Variants in CHRM3 observed in about 807,000 individuals in gnomAD.
CHRM3 encodes the protein cholinergic receptor muscarinic 3, also known as muscarinic acetylcholine receptor M3.
Under a neutral mutation model 41.8 loss-of-function variants are expected in CHRM3, and 11 were observed. The ratio of observed to expected loss-of-function variants is 0.26; its 90% CI spans 0.17 to 0.44. The LOEUF (loss-of-function observed/expected upper bound fraction) is 0.44. CHRM3 is among the 20% of genes least tolerant of loss of function. The pLI is 1.00. For missense variants in CHRM3, 571 were observed against 745.4 expected (o/e 0.77, Z 2.72); for synonymous variants, 297 against 301.4 (o/e 0.99, Z 0.15).
At position 239,554,033 on chromosome 1, in the gene CHRM3, G is replaced by A. The variant is rs1285611284; in HGVS notation, c.-313+8284G>A. Among the ~76,000 whole-genome samples the A allele has an allele frequency of 3.3e-5, 5 of 152,162 alleles. 1 individual carries two copies. Among genetic ancestry groups the A allele is most frequent in the Middle Eastern group, 6.8e-3 (2 of 294 alleles). On this transcript the variant is annotated intron_variant, in intron 3 of 6. Coordinates refer to ENST00000676153, the MANE Select transcript of CHRM3 (RefSeq NM_001375978.1). Reference sequence around the variant, plus strand: ...GCCCCTTAAAGAGCTGGGATTACAGGCATGTGCCACTACACCTGGCTAATT... The same window carrying A: ...GCCCCTTAAAGAGCTGGGATTACAGACATGTGCCACTACACCTGGCTAATT...
chr1:239,451,679 T>C (rs1240375578), intron 1 of CHRM3, among the ~76,000 whole-genome samples: 2 of 152,172 alleles, frequency 1.3e-5, no homozygotes, highest in Non-Finnish European at 1.5e-5. Context: ...TTTAAATATA[T>C]TTAACTTAAT....
intron 3 of CHRM3, among the ~76,000 whole-genome samples, chr1:239,549,759 A>G (rs892277049): frequency 3.9e-5 from 6 of 151,960 alleles, no homozygotes; most frequent in Non-Finnish European, 5.9e-5. Flanking sequence ...AAACTAAAGC[A>G]GAATGACGCA....
intron 4 of CHRM3, among the ~76,000 whole-genome samples, chr1:239,677,290 T>C (rs958263039): frequency 6.6e-6 from 1 of 152,236 alleles, no homozygotes; most frequent in African/African-American, 2.4e-5. Flanking sequence ...TCATATTATT[T>C]GCTTAGTAAA....
intron 1 of CHRM3, among the ~76,000 whole-genome samples, chr1:239,492,040 T>A (rs1236755702): frequency 6.6e-6 from 1 of 152,166 alleles, no homozygotes; most frequent in Non-Finnish European, 1.5e-5. Context: ...TGTGTAATGA[T>A]CCATTTTGGC....
intron 5 of CHRM3, among the ~76,000 whole-genome samples, chr1:239,736,094 G>A (rs550852300): frequency 2.0e-5 from 3 of 152,062 alleles, no homozygotes; most frequent in African/African-American, 4.8e-5. Context: ...AGCTAGTATC[G>A]ACTACTCCAC....
At chr1:239,811,425 G>T (rs1183325416) in intron 5 of CHRM3, among the ~76,000 whole-genome samples, 1 of 152,130 alleles carries the variant, frequency 6.6e-6, no homozygotes, top group Non-Finnish European at 1.5e-5. Context: ...GTGCCCTAAA[G>T]CCCTTCACAT....
intron 1 of CHRM3, among the ~76,000 whole-genome samples, chr1:239,489,412 C>CA (rs150811450): frequency 1.3e-3 from 178 of 142,224 alleles, no homozygotes; most frequent in Middle Eastern, 3.7e-3. Context: ...GACTCTGTCT[C>CA]AAAAAAAAAA....
intron 4 of CHRM3, among the ~76,000 whole-genome samples, chr1:239,650,073 A>G (rs1329095380): frequency 6.6e-6 from 1 of 151,970 alleles, no homozygotes; most frequent in African/African-American, 2.4e-5. Flanking sequence ...CAGCTGTGGG[A>G]CTCTCATCAG....
At chr1:239,612,829 G>A (rs1355559892) in intron 3 of CHRM3, among the ~76,000 whole-genome samples, 2 of 152,128 alleles carry the variant, frequency 1.3e-5, no homozygotes, top group East Asian at 3.9e-4. Context: ...CTCTGGAGCT[G>A]GACAGCCCAG....
intron 5 of CHRM3, among the ~76,000 whole-genome samples, chr1:239,820,937 C>T (rs1671992082): frequency 6.6e-6 from 1 of 152,140 alleles, no homozygotes; most frequent in Admixed American, 6.5e-5. Context: ...TAGGGGCTCA[C>T]ACAATATGGG....
At chr1:239,624,642 T>G (rs1474828749) in intron 3 of CHRM3, among the ~76,000 whole-genome samples, 10 of 149,308 alleles carry the variant, frequency 6.7e-5, no homozygotes, top group African/African-American at 2.5e-4. Flanking sequence ...GGTCTAACGT[T>G]TAAATCTTTA....
At chr1:239,716,200 G>T (rs889629344) in intron 5 of CHRM3, among the ~76,000 whole-genome samples, 2 of 152,054 alleles carry the variant, frequency 1.3e-5, no homozygotes, top group Admixed American at 1.3e-4. Flanking sequence ...GCTTTTAGAA[G>T]TAAAGAAAGT....
intron 1 of CHRM3, among the ~76,000 whole-genome samples, chr1:239,486,107 T>C (rs1249360656): frequency 6.6e-6 from 1 of 152,174 alleles, no homozygotes; most frequent in Non-Finnish European, 1.5e-5. Flanking sequence ...GAAACAAAAC[T>C]GTAAGCCACG....
intron 5 of CHRM3, among the ~76,000 whole-genome samples, chr1:239,794,434 G>C (rs545294294): frequency 1.1e-4 from 14 of 124,360 alleles, no homozygotes; most frequent in Non-Finnish European, 2.4e-4. Flanking sequence ...CCTATTATTT[G>C]GGTTAGATGA....
intron 2 of CHRM3, among the ~76,000 whole-genome samples, chr1:239,503,361 G>A (rs1668365594): frequency 6.6e-6 from 1 of 152,054 alleles, no homozygotes; most frequent in Admixed American, 6.6e-5. Flanking sequence ...AACCAAGGAG[G>A]TGAAAGACCT....
chr1:239,822,099 C>A (rs566885239), intron 5 of CHRM3, among the ~76,000 whole-genome samples: 3 of 152,168 alleles, frequency 2.0e-5, no homozygotes, highest in South Asian at 2.1e-4. Context: ...TCGGGTATTT[C>A]TTTATAGCAG....
intron 1 of CHRM3, among the ~76,000 whole-genome samples, chr1:239,404,442 G>GAA (rs1157371540): frequency 2.4e-5 from 3 of 123,008 alleles, no homozygotes; most frequent in Non-Finnish European, 5.4e-5. Context: ...AAGAAAGAAA[G>GAA]AAAGAAAGAA....
Position 239,869,853 on chromosome 1 carries a change from GATAGAGTGGC to G in CHRM3, c.-19-37568_-19-37559del, listed in dbSNP as rs1351077309. ...TTATCGATGGAGTATTCATTTGACT[GATAGAGTGGC>G]ATAGAGTGGCAGGGGTTTCAGGCAC... On this transcript the variant is annotated intron_variant, in intron 6 of 6. Transcript: ENST00000676153. 1.8e-4 allele frequency among the ~76,000 whole-genome samples: 28 copies of G among 152,282 alleles called. No individual in the cohort carries two copies. In the East Asian group the frequency reaches 2.1e-3, roughly 12 times the overall value.
At chr1:239,680,424 A>G (rs1658445869) in intron 5 of CHRM3, among the ~76,000 whole-genome samples, 1 of 152,126 alleles carries the variant, frequency 6.6e-6, no homozygotes, top group South Asian at 2.1e-4. Context: ...TTCTCCTCCC[A>G]GAAGTGACCC....
Sources: gnomAD v4.1 joint callset for allele counts (sites outside exome capture counted in the v4.1 genomes callset) on GRCh38, gnomAD v4.1.1 for gene constraint, MANE v1.5 for transcripts, NCBI Gene and HGNC (gene_info 2026-07-23, HGNC 2026-07-21) for gene names.